OSBPL2: variants seen among roughly 807,000 people sequenced by gnomAD.
The protein encoded by OSBPL2 is oxysterol binding protein like 2, also known as oxysterol-binding protein-related protein 2.
In OSBPL2, 18 loss-of-function variants were observed where a neutral mutation model predicts 58.4. That is an observed-to-expected ratio of 0.31 (90% CI 0.21 to 0.46). The LOEUF is 0.46. Ranked by LOEUF, OSBPL2 falls within the 20% of genes least tolerant of loss-of-function variation. The probability of loss-of-function intolerance (pLI) is 1.00; values close to 1 mark genes in which losing one functional copy is unlikely to be tolerated. For missense variants in OSBPL2, 461 were observed against 616.5 expected (o/e 0.75, Z 2.67); for synonymous variants, 221 against 234.1 (o/e 0.94, Z 0.51).
chr20:62,268,978 AC>A (rs1297326006), intron 4 of OSBPL2, among the ~76,000 whole-genome samples: 1 of 151,358 alleles, frequency 6.6e-6, no homozygotes. Context: ...AATCGCTTGA[AC>A]CCAGGAGGCG....
At position 62,244,557 on chromosome 20, in the gene OSBPL2, T is replaced by C. The variant is rs897816073; in HGVS notation, c.-129+5960T>C. On this transcript the variant is annotated intron_variant, in intron 1 of 13. Transcript: ENST00000313733. Reference sequence around the variant, plus strand: ...TTGTGTTGCATAAGGAGAAGGTTGATTAAAACACATGTTTTTGTACGGAAG... The same window carrying C: ...TTGTGTTGCATAAGGAGAAGGTTGACTAAAACACATGTTTTTGTACGGAAG... 6.6e-5 allele frequency among the ~76,000 whole-genome samples: 10 copies of C among 152,386 alleles called. No homozygotes were observed. The South Asian group carries it at 1.4e-3, about 22-fold the overall frequency.
At chr20:62,254,330 C>T (rs930929274) in intron 1 of OSBPL2, among the ~76,000 whole-genome samples, 13 of 152,240 alleles carry the variant, frequency 8.5e-5, no homozygotes, top group East Asian at 3.8e-4. Flanking sequence ...TGGATTCAGC[C>T]GCGTCTCCTC....
intron 4 of OSBPL2, among the ~76,000 whole-genome samples, chr20:62,271,090 A>G (rs1220474855): frequency 6.6e-6 from 1 of 150,752 alleles, no homozygotes; most frequent in Non-Finnish European, 1.5e-5. Context: ...TGCTTTGCCC[A>G]CCCCAGACCC....
At chr20:62,286,489 G>A in intron 10 of OSBPL2, 94 bp from the exon 11 acceptor site, 1 of 1,398,110 alleles carries the variant, frequency 7.2e-7, no homozygotes, top group African/African-American at 1.4e-5. Flanking sequence ...CTCTGCTCAG[G>A]TGACTGGTCT....
intron 1 of OSBPL2, among the ~76,000 whole-genome samples, chr20:62,249,676 G>C (rs1395957956): frequency 2.0e-5 from 3 of 152,238 alleles, no homozygotes; most frequent in Non-Finnish European, 2.9e-5. Flanking sequence ...CCAGGTTCAA[G>C]CAATTCTCCT....
chr20:62,247,669 C>CT (rs768433967), intron 1 of OSBPL2, among the ~76,000 whole-genome samples: 310 of 141,036 alleles, frequency 2.2e-3, no homozygotes, highest in African/African-American at 4.0e-3. Context: ...TTCTTTCTTT[C>CT]TTTTTTTTTT....
intron 10 of OSBPL2, 151 bp downstream of exon 10, chr20:62,284,320 A>G: frequency 1.2e-6 from 1 of 826,384 alleles, no homozygotes; most frequent in South Asian, 1.5e-5. Context: ...GTCCAGATGA[A>G]CCATATATTG....
chr20:62,244,309 C>G (rs1286752009), intron 1 of OSBPL2, among the ~76,000 whole-genome samples: 3 of 152,234 alleles, frequency 2.0e-5, no homozygotes, highest in African/African-American at 7.2e-5. Context: ...TCTCCTCTAG[C>G]TGCAGCCGCA....
chr20:62,273,367 C>T lies in OSBPL2; in HGVS notation c.452C>T (p.Pro151Leu). ...TCCCAGTGGGAGAGGACCGGCAAAC[C>T]ATTTAATCCACTCTTGGGAGAAACG... is the stretch of plus-strand genomic sequence containing the variant. ...VASQWERTGK[P>L]FNPLLGETYE... is the part of the protein sequence containing the mutation. Residue 151 changes from proline (P) to leucine (L), a missense_variant, in exon 6 of 14, where the codon CCA (proline) becomes CTA (leucine). By Grantham distance (98) the Pro-to-Leu change is moderately conservative. Coordinates refer to ENST00000313733, the MANE Select transcript of OSBPL2 (RefSeq NM_144498.4). 6.2e-7 allele frequency: 1 copy of T among 1,604,222 alleles called. No homozygotes were observed. The highest frequency in any genetic ancestry group is 8.5e-7 in the Non-Finnish European group (1 of 1,177,196).
intron 6 of OSBPL2, among the ~76,000 whole-genome samples, chr20:62,274,039 T>C (rs1982234636): frequency 6.6e-6 from 1 of 152,138 alleles, no homozygotes; most frequent in Non-Finnish European, 1.5e-5. Context: ...TTCCCTCCTG[T>C]CTCTGGTGGC....
At chr20:62,257,658 A>G (rs1358294789) in intron 2 of OSBPL2, among the ~76,000 whole-genome samples, 1 of 149,638 alleles carries the variant, frequency 6.7e-6, no homozygotes, top group Non-Finnish European at 1.5e-5. Context: ...GTCTCATAGG[A>G]TGTCCTTTTT....
At chr20:62,247,554 CAGG>C (rs908587220) in intron 1 of OSBPL2, among the ~76,000 whole-genome samples, 1 of 152,152 alleles carries the variant, frequency 6.6e-6, no homozygotes, top group Admixed American at 6.5e-5. Flanking sequence ...TTTGACCTGT[CAGG>C]AGGAGGAGCA....
chr20:62,279,878 A>G (rs1982667577), intron 7 of OSBPL2: 8 of 1,127,002 alleles, frequency 7.1e-6, no homozygotes, highest in Middle Eastern at 3.7e-4. Flanking sequence ...GGCCCTTTGC[A>G]CACTCCCCCA....
At chr20:62,266,772 CTG>C (rs894455014) in intron 4 of OSBPL2, among the ~76,000 whole-genome samples, 10 of 152,172 alleles carry the variant, frequency 6.6e-5, no homozygotes, top group African/African-American at 2.2e-4. Context: ...TTTAATGTGA[CTG>C]TGATATTATT....
Position 62,293,976 on chromosome 20 carries a change from C to T in OSBPL2, c.*89C>T. 6.6e-7 allele frequency: 1 copy of T among 1,516,064 alleles called. No individual in the cohort carries two copies. Among genetic ancestry groups the T allele is most frequent in the Non-Finnish European group, 8.8e-7 (1 of 1,133,346 alleles). 93.9% of individuals were successfully genotyped at this position (1,516,064 alleles called of 1,614,324 possible). ...ACTGTGAGCCTCGTCACAGCAGAAA[C>T]CAACTTTTCTAACGACTGAGTTCGC... On this transcript the variant is annotated 3_prime_UTR_variant, in exon 14 of 14. Transcript: ENST00000313733.
intron 2 of OSBPL2, among the ~76,000 whole-genome samples, chr20:62,257,860 G>A (rs967167525): frequency 6.6e-6 from 1 of 151,992 alleles, no homozygotes; most frequent in Admixed American, 6.6e-5. Context: ...GATTACAGAC[G>A]CCCACCACCA....
intron 11 of OSBPL2, among the ~76,000 whole-genome samples, chr20:62,287,090 G>C (rs1210590393): frequency 6.6e-6 from 1 of 152,220 alleles, no homozygotes; most frequent in Non-Finnish European, 1.5e-5. Context: ...TATCAAAAGA[G>C]GCTTCCAAGC....
intron 6 of OSBPL2, among the ~76,000 whole-genome samples, chr20:62,273,886 C>T (rs1261743116): frequency 6.6e-6 from 1 of 152,196 alleles, no homozygotes; most frequent in East Asian, 1.9e-4. Context: ...CCACAGCCTC[C>T]CCAGAGTTTT....
At chr20:62,252,199 TA>T (rs1392636325) in intron 1 of OSBPL2, among the ~76,000 whole-genome samples, 1 of 152,106 alleles carries the variant, frequency 6.6e-6, no homozygotes. Context: ...GTCTTTTTTT[TA>T]AAGACAGCTT....
Sources: allele counts gnomAD v4.1 joint callset (sites outside exome capture counted in the v4.1 genomes callset), GRCh38; gene constraint gnomAD v4.1.1; transcripts MANE v1.5; gene names NCBI Gene and HGNC (gene_info 2026-07-23, HGNC 2026-07-21).